The following SERPINI2 variants were observed in gnomAD, a reference collection of about 807,000 sequenced individuals.
SERPINI2 encodes the protein serpin family I member 2, also known as serpin I2.
SERPINI2 carries 48 observed loss-of-function variants against 47.3 expected under a neutral mutation model. The observed-to-expected ratio is 1.02, with a 90% CI of 0.81 to 1.29. SERPINI2 has a LOEUF of 1.29. Ranked by LOEUF, SERPINI2 falls within the 50% of genes most tolerant of loss-of-function variation. The pLI is 0.00. For synonymous variants in SERPINI2, 135 were observed against 149.3 expected, an observed-to-expected ratio of 0.90 and a Z score of 0.70; for missense variants, 448 against 456.9, an observed-to-expected ratio of 0.98 and a Z score of 0.18.
intron 1 of SERPINI2, among the ~76,000 whole-genome samples, chr3:167,472,633 T>C (rs946766336): frequency 4.6e-5 from 7 of 151,640 alleles, no homozygotes; most frequent in African/African-American, 1.7e-4. Context: ...AAAATATAAA[T>C]AAAATGAAAT....
intron 5 of SERPINI2, among the ~76,000 whole-genome samples, chr3:167,458,362 T>C (rs893101284): frequency 2.0e-5 from 3 of 149,828 alleles, no homozygotes; most frequent in African/African-American, 7.4e-5. Flanking sequence ...GCCATTTTCC[T>C]GCCTCAGCCT....
At chr3:167,449,285 T>C (rs1027568085) in intron 7 of SERPINI2, 31 bp downstream of exon 7, 17 of 1,461,590 alleles carry the variant, frequency 1.2e-5, no homozygotes, top group Non-Finnish European at 1.6e-5. Flanking sequence ...CCATGTTTCC[T>C]TCTAGCTTGG....
At chr3:167,443,073 T>C (rs920265810) in intron 8 of SERPINI2, among the ~76,000 whole-genome samples, 2 of 152,202 alleles carry the variant, frequency 1.3e-5, no homozygotes, top group South Asian at 4.1e-4. Context: ...GAAATAGACA[T>C]AAACTCCAGC....
chr3:167,462,813 T>G (rs1750022769), intron 5 of SERPINI2, among the ~76,000 whole-genome samples: 1 of 152,120 alleles, frequency 6.6e-6, no homozygotes, highest in African/African-American at 2.4e-5. Context: ...GTATGGGAAG[T>G]GTGGCCCTAG....
chr3:167,455,909 A>G (rs1749776737), intron 5 of SERPINI2, among the ~76,000 whole-genome samples: 1 of 152,166 alleles, frequency 6.6e-6, no homozygotes, highest in Non-Finnish European at 1.5e-5. Flanking sequence ...ATTTGCCCCC[A>G]TGATCCCATC....
chr3:167,476,729 A>G (rs1326727511), upstream of SERPINI2, among the ~76,000 whole-genome samples: 1 of 152,028 alleles, frequency 6.6e-6, no homozygotes, highest in Non-Finnish European at 1.5e-5. Flanking sequence ...TACATTTTAT[A>G]TAGCTTCACT....
intron 5 of SERPINI2, among the ~76,000 whole-genome samples, chr3:167,464,296 G>A (rs1487539137): frequency 2.0e-5 from 3 of 152,028 alleles, no homozygotes; most frequent in Non-Finnish European, 4.4e-5. Flanking sequence ...TTACAGTCAT[G>A]AGCCACCATG....
At chr3:167,474,092 G>T (rs2108177487) in exon 1 of SERPINI2, 1 of 1,014,774 alleles carries the variant, frequency 9.9e-7, no homozygotes, top group South Asian at 4.6e-5. Flanking sequence ...GAGCGATCAA[G>T]GCCAACTCCA....
At chr3:167,474,820 A>G (rs887167791), upstream of SERPINI2, among the ~76,000 whole-genome samples, 3 of 151,768 alleles carry the variant, frequency 2.0e-5, no homozygotes, top group Non-Finnish European at 3.0e-5. Context: ...CTCAATGGCA[A>G]TCAGATATTA....
intron 5 of SERPINI2, 144 bp from the exon 6 acceptor site, chr3:167,453,177 C>T (rs1192062498): frequency 8.0e-6 from 4 of 499,300 alleles, no homozygotes; most frequent in African/African-American, 6.0e-5. Flanking sequence ...ACATTTCACA[C>T]CATTTTCCCC....
rs766553572 is a variant in SERPINI2 at position 167,465,603 on chromosome 3, A to C, written c.549T>G (p.Ile183Met). Residue 183 changes from isoleucine to methionine, a missense_variant, in exon 4 of 9, where the codon ATT becomes ATG. Transcript: ENST00000264677. The stretch of plus-strand genomic sequence containing the variant: ...TCTGTTTCCAATCTCCTTTGAAATA[A>C]ATAGCATTCACCAGGACAAGCCGAG... The C allele has an allele frequency of 4.3e-6, 7 of 1,613,584 alleles. No individual in the cohort carries two copies. Among genetic ancestry groups the C allele is most frequent in the South Asian group, 1.1e-5 (1 of 91,072 alleles).
intron 1 of SERPINI2, 123 bp downstream of exon 1, chr3:167,473,880 T>TA: frequency 8.4e-7 from 1 of 1,194,008 alleles, no homozygotes; most frequent in Non-Finnish European, 1.1e-6. Flanking sequence ...GTTAATTAAA[T>TA]AAATTCAAAT....
rs763577270 is a variant in SERPINI2 at position 167,442,191 on chromosome 3, G to GA, written c.1142-7dup. On this transcript the variant is annotated splice_region_variant and splice_polypyrimidine_tract_variant and intron_variant, in intron 8 of 8. Coordinates refer to ENST00000264677, the Ensembl canonical transcript of SERPINI2. ...TCCCATAAACAGAATTGATTCTAGG[G>GA]AAAAAAAAACAAAAAAATATACTTT... is the stretch of plus-strand genomic sequence containing the variant. 15,196 of 1,477,870 alleles carry GA rather than the reference G, an allele frequency of 0.01. 376 individuals carry two copies. In the African/African-American group the frequency reaches 0.11, roughly 10 times the overall value. The allele number at this position is 1,477,870 out of a possible 1,614,324, so 91.5% of individuals were successfully genotyped here.
exon 2 of SERPINI2, chr3:167,471,591 C>G: frequency 2.5e-6 from 4 of 1,613,226 alleles, no homozygotes; most frequent in Non-Finnish European, 3.4e-6. Flanking sequence ...GTCTCACCAG[C>G]TGAGGTTTCC....
chr3:167,451,705 T>C (rs1427756679), intron 6 of SERPINI2, among the ~76,000 whole-genome samples: 1 of 152,218 alleles, frequency 6.6e-6, no homozygotes, highest in Non-Finnish European at 1.5e-5. Flanking sequence ...GGAGATTTTT[T>C]AGAAGTCACA....
intron 8 of SERPINI2, among the ~76,000 whole-genome samples, chr3:167,443,387 G>C (rs538752917): frequency 1.3e-5 from 2 of 152,178 alleles, no homozygotes; most frequent in African/African-American, 4.8e-5. Flanking sequence ...GATTACAGGC[G>C]TGAGCCACCG....
At chr3:167,444,866 T>C (rs1447064182) in intron 8 of SERPINI2, among the ~76,000 whole-genome samples, 2 of 152,308 alleles carry the variant, frequency 1.3e-5, no homozygotes, top group East Asian at 3.9e-4. Context: ...ACTTGGCCTT[T>C]GCATATAACA....
exon 1 of SERPINI2, chr3:167,474,030 GA>G: frequency 1.8e-6 from 2 of 1,089,752 alleles, no homozygotes; most frequent in Non-Finnish European, 2.2e-6. Flanking sequence ...TTATTCACTG[GA>G]ATGTTACAAC....
chr3:167,462,464 C>T (rs927143762), intron 5 of SERPINI2, among the ~76,000 whole-genome samples: 2 of 152,132 alleles, frequency 1.3e-5, no homozygotes, highest in African/African-American at 2.4e-5. Context: ...TGTCTCTTCA[C>T]ATCATCTTCC....
Sources: allele counts gnomAD v4.1 joint callset (sites outside exome capture counted in the v4.1 genomes callset), GRCh38; gene constraint gnomAD v4.1.1; transcripts MANE v1.5; gene names NCBI Gene and HGNC (gene_info 2026-07-23, HGNC 2026-07-21).